The following FNIP2 variants were observed in gnomAD, a reference collection of about 807,000 sequenced individuals.
The protein encoded by FNIP2 is folliculin interacting protein 2.
A neutral mutation model predicts 108.7 loss-of-function variants in FNIP2; 32 were observed. That is an observed-to-expected ratio of 0.29 (90% CI 0.22 to 0.40). FNIP2 has a LOEUF of 0.40. Among genes scored for constraint, FNIP2 ranks in the 10% least tolerant of loss-of-function variants. FNIP2 has a pLI of 1.00. For missense variants in FNIP2, 1,202 were observed against 1,381.6 expected, an observed-to-expected ratio of 0.87 and a Z score of 2.06; for synonymous variants, 480 against 496.7, an observed-to-expected ratio of 0.97 and a Z score of 0.45.
chr4:158,769,337 G>A lies in FNIP2; in HGVS notation c.107+18G>A, dbSNP rs1455763660. On this transcript the variant is annotated intron_variant, in intron 1 of 16. Coordinates refer to ENST00000264433, the MANE Select transcript of FNIP2 (RefSeq NM_020840.3). ...GCCTTTAGGTGAGGGGGCGCCGGGGGGCAATTCTGGCGCGGGACCCGAGTT... is the reference window on the plus strand; with the variant it reads ...GCCTTTAGGTGAGGGGGCGCCGGGGAGCAATTCTGGCGCGGGACCCGAGTT... 4 of 1,461,074 alleles carry A rather than the reference G, an allele frequency of 2.7e-6. No homozygotes were observed. The highest frequency in any genetic ancestry group is 3.6e-6 in the Non-Finnish European group (4 of 1,101,472). The allele number at this position is 1,461,074 out of a possible 1,614,324, so 90.5% of individuals were successfully genotyped here.
chr4:158,904,705 A>T lies in FNIP2; in HGVS notation c.*161A>T. Reference sequence around the variant, plus strand: ...GTTTTTGCTGTCAAGCTGATGCTTCATTGAAGACTTAGGTTTACTTGACAT... The same window carrying T: ...GTTTTTGCTGTCAAGCTGATGCTTCTTTGAAGACTTAGGTTTACTTGACAT... On this transcript the variant is annotated 3_prime_UTR_variant, in exon 17 of 17. Coordinates refer to ENST00000264433, the MANE Select transcript of FNIP2 (RefSeq NM_020840.3). 1.6e-6 allele frequency: 1 copy of T among 630,864 alleles called. No individual in the cohort carries two copies. The allele number at this position is 630,864 out of a possible 1,614,324, so 39.1% of individuals were successfully genotyped here. A position where few individuals can be genotyped will look rare whatever the true frequency, so the allele number is the denominator to read the frequency against.
intron 1 of FNIP2, among the ~76,000 whole-genome samples, chr4:158,789,553 T>C (rs1008957115): frequency 6.6e-6 from 1 of 152,212 alleles, no homozygotes; most frequent in Non-Finnish European, 1.5e-5. Flanking sequence ...GGATCCTCAA[T>C]AGTAAATGTT....
In FNIP2 at chr4:158,868,064, CA is replaced by C. The variant is rs1169649362; in HGVS notation, c.1466-37del. The C allele has an allele frequency of 1.2e-6, 2 of 1,602,962 alleles. No individual in the cohort carries two copies. Among genetic ancestry groups the C allele is most frequent in the Non-Finnish European group, 8.5e-7 (1 of 1,173,060 alleles). ...GGATATATCTGTGACATGCTAACCC[CA>C]GAGACCACTGCCTTTGTGTCCACCT... On this transcript the variant is annotated intron_variant, in intron 12 of 16. Transcript: ENST00000264433. This position sits in a 1 kb window ranked among gnomAD's most constrained non-coding sequence, Gnocchi z 4.6.
At chr4:158,884,819 G>T (rs1020439675) in intron 14 of FNIP2, among the ~76,000 whole-genome samples, 1 of 151,976 alleles carries the variant, frequency 6.6e-6, no homozygotes, top group Admixed American at 6.6e-5. Context: ...GAGAGCAAGC[G>T]TATGCGAGGA....
At position 158,833,603 on chromosome 4, in the gene FNIP2, T is replaced by C; in HGVS notation, c.630T>C (p.Gly210=). ...GKLNTNQNSL[G]PCRTGSNLAH... is the part of the protein sequence containing the mutation. ...TGAACACAAATCAAAATAGTTTGGG[T>C]CCTTGTCGTACTGGAAGTAACCTAG... The change falls in exon 6 of 17, where the codon GGT becomes GGC. Residue 210 remains glycine (G), a synonymous_variant. Coordinates refer to ENST00000264433, the MANE Select transcript of FNIP2 (RefSeq NM_020840.3). The C allele has an allele frequency of 6.2e-7, 1 of 1,612,884 alleles. No individual in the cohort carries two copies. The highest frequency in any genetic ancestry group is 1.3e-5 in the African/African-American group (1 of 74,972).
chr4:158,869,024 A>G lies in FNIP2; in HGVS notation c.2388A>G (p.Ala796=). The change falls in exon 13 of 17, where the codon GCA becomes GCG. Residue 796 remains alanine, a synonymous_variant. Transcript: ENST00000264433. ...GDEGESDKGF[A]EDRGSRNDMA... Reference sequence around the variant, plus strand: ...AAGGCGAGTCTGACAAGGGTTTTGCAGAGGACAGAGGCAGCAGAAACGACA... The same window carrying G: ...AAGGCGAGTCTGACAAGGGTTTTGCGGAGGACAGAGGCAGCAGAAACGACA... The G allele has an allele frequency of 1.2e-6, 2 of 1,614,018 alleles. No individual in the cohort carries two copies. The highest frequency in any genetic ancestry group is 8.5e-7 in the Non-Finnish European group (1 of 1,179,886).
Position 158,904,657 on chromosome 4 carries a change from G to A in FNIP2, c.*113G>A. The A allele has an allele frequency of 1.1e-6, 1 of 913,238 alleles. No homozygotes were observed. Among genetic ancestry groups the A allele is most frequent in the South Asian group, 1.5e-5 (1 of 67,398 alleles). The allele number at this position is 913,238 out of a possible 1,614,324, so 56.6% of individuals were successfully genotyped here. A position where few individuals can be genotyped will look rare whatever the true frequency, so the allele number is the denominator to read the frequency against. ...AGCATGAGAAGAGCAAACAGAAACA[G>A]TCATTCCACCTTTTTGTTTTGTGTT... On this transcript the variant is annotated 3_prime_UTR_variant, in exon 17 of 17. Transcript: ENST00000264433.
intron 1 of FNIP2, among the ~76,000 whole-genome samples, chr4:158,783,449 T>C (rs1776117658): frequency 6.6e-6 from 1 of 152,222 alleles, no homozygotes; most frequent in Admixed American, 6.5e-5. Context: ...GAGAAAATAA[T>C]TGGGTCTCTC....
intron 14 of FNIP2, among the ~76,000 whole-genome samples, chr4:158,870,732 C>A (rs549372236): frequency 6.6e-6 from 1 of 152,238 alleles, no homozygotes; most frequent in Non-Finnish European, 1.5e-5. Flanking sequence ...GGACGAGGGG[C>A]GGCCTGGCTG....
chr4:158,872,153 C>A, intron 14 of FNIP2: 2 of 985,394 alleles, frequency 2.0e-6, no homozygotes, highest in Non-Finnish European at 2.4e-6. Flanking sequence ...TCAGTGACAT[C>A]AGTTTTACCA....
rs1780569505 is a variant in FNIP2, at chr4:158,866,221, C to CTTTTTTTTTTG, written c.1466-1871_1466-1870insGTTTTTTTTTT. Among the ~76,000 whole-genome samples the CTTTTTTTTTTG allele has an allele frequency of 3.3e-5, 2 of 59,764 alleles. 1 individual carries two copies. The highest frequency in any genetic ancestry group is 1.3e-4 in the African/African-American group (2 of 14,954). The allele number at this position is 59,764 out of a possible 152,430, so 39.2% of individuals were successfully genotyped here. The stretch of plus-strand genomic sequence containing the variant: ...GATTTGTTCCAATATTCTGGTTATT[C>CTTTTTTTTTTG]TTTTTTTTTTTTTTTGAGACAGAGT... On this transcript the variant is annotated intron_variant, in intron 12 of 16. Coordinates refer to ENST00000264433, the MANE Select transcript of FNIP2 (RefSeq NM_020840.3).
At chr4:158,835,643 C>T in intron 7 of FNIP2, 167 bp downstream of exon 7, 1 of 509,478 alleles carries the variant, frequency 2.0e-6, no homozygotes. Flanking sequence ...TGTACAGTAT[C>T]CATGAGTGAT....
At chr4:158,852,551 T>C in intron 8 of FNIP2, among the ~76,000 whole-genome samples, 1 of 152,224 alleles carries the variant, frequency 6.6e-6, no homozygotes, top group East Asian at 1.9e-4. Flanking sequence ...TGTTGCATCG[T>C]CATCTGCAAT....
At chr4:158,852,286 G>A (rs955559657) in intron 8 of FNIP2, among the ~76,000 whole-genome samples, 1 of 152,226 alleles carries the variant, frequency 6.6e-6, no homozygotes, top group African/African-American at 2.4e-5. Flanking sequence ...ACACTGCAGG[G>A]ACAAGCTGAG....
intron 16 of FNIP2, among the ~76,000 whole-genome samples, chr4:158,902,656 C>T (rs1490500603): frequency 6.6e-6 from 1 of 152,246 alleles, no homozygotes; most frequent in Non-Finnish European, 1.5e-5. Context: ...ACTGGGGCTG[C>T]TGCCTTTTTT....
intron 7 of FNIP2, among the ~76,000 whole-genome samples, chr4:158,839,932 C>A (rs988000343): frequency 2.0e-4 from 30 of 152,182 alleles, no homozygotes; most frequent in African/African-American, 6.8e-4. Flanking sequence ...GGAAATGCAT[C>A]CTCATTGTAT....
chr4:158,900,854 T>C (rs578106203), intron 16 of FNIP2, among the ~76,000 whole-genome samples: 1 of 152,248 alleles, frequency 6.6e-6, no homozygotes, highest in Non-Finnish European at 1.5e-5. Context: ...AATATTGTTA[T>C]ATGTGAATGT....
chr4:158,840,815 G>A (rs187622767), intron 7 of FNIP2, among the ~76,000 whole-genome samples: 3 of 152,282 alleles, frequency 2.0e-5, no homozygotes, highest in South Asian at 2.1e-4. Context: ...ACTCTTCCTC[G>A]TCAAGGTGTT....
chr4:158,861,296 T>C (rs1338099363), intron 10 of FNIP2, 46 bp from the exon 11 acceptor site: 1 of 1,570,808 alleles, frequency 6.4e-7, no homozygotes, highest in African/African-American at 1.4e-5. Flanking sequence ...TTATCCAAAA[T>C]AGTATTTCTG....
Sources: gnomAD v4.1 joint callset for allele counts (sites outside exome capture counted in the v4.1 genomes callset) on GRCh38, gnomAD v4.1.1 for gene constraint, Gnocchi (gnomAD v3.1) non-coding constraint, MANE v1.5 for transcripts, NCBI Gene and HGNC (gene_info 2026-07-23, HGNC 2026-07-21) for gene names.